Variants in DLG2 observed in about 807,000 individuals in gnomAD.
DLG2 encodes the protein discs large MAGUK scaffold protein 2.
A neutral mutation model predicts 132.5 loss-of-function variants in DLG2; 45 were observed. That is an observed-to-expected ratio of 0.34 (90% CI 0.27 to 0.44). The LOEUF (loss-of-function observed/expected upper bound fraction) is 0.44. Ranked by LOEUF, DLG2 falls within the 20% of genes least tolerant of loss-of-function variation. DLG2 has a pLI of 1.00. For synonymous variants in DLG2, 424 were observed against 419.6 expected (o/e 1.01, Z -0.13); for missense variants, 1,045 against 1,196.9 (o/e 0.87, Z 1.87).
chr11:83,642,653 CAG>C (rs1196001663), intron 18 of DLG2, among the ~76,000 whole-genome samples: 4 of 152,160 alleles, frequency 2.6e-5, no homozygotes, highest in African/African-American at 9.7e-5. Flanking sequence ...CTCTGATTAT[CAG>C]ACTTATTGCA....
At chr11:83,623,428 T>C (rs750685829) in intron 19 of DLG2, among the ~76,000 whole-genome samples, 3 of 152,246 alleles carry the variant, frequency 2.0e-5, no homozygotes, top group Non-Finnish European at 2.9e-5. Context: ...TTTAATTGAT[T>C]CAGCAGTTAC....
intron 7 of DLG2, among the ~76,000 whole-genome samples, chr11:84,404,697 G>C (rs2098842566): frequency 6.6e-6 from 1 of 151,864 alleles, no homozygotes; most frequent in Admixed American, 6.6e-5. Context: ...ATTTACTTTT[G>C]TACCTGAAAC....
intron 6 of DLG2, among the ~76,000 whole-genome samples, chr11:84,952,157 C>T (rs924458953): frequency 6.6e-6 from 1 of 152,194 alleles, no homozygotes; most frequent in African/African-American, 2.4e-5. Flanking sequence ...TTGTATCAGC[C>T]ATTAAATATA....
intron 11 of DLG2, among the ~76,000 whole-genome samples, chr11:84,001,322 G>T (rs1219546887): frequency 2.4e-5 from 2 of 81,886 alleles, no homozygotes; most frequent in African/African-American, 6.7e-5. Context: ...CAGACTTCAA[G>T]TAAAAAAAAA....
chr11:84,033,897 CAAAA>C (rs869299726), intron 11 of DLG2, among the ~76,000 whole-genome samples: 1 of 70,726 alleles, frequency 1.4e-5, no homozygotes, highest in Non-Finnish European at 3.6e-5. Context: ...AAAACAAAAA[CAAAA>C]ACAAACAAAC....
At chr11:83,807,091 C>G (rs868460325) in intron 17 of DLG2, among the ~76,000 whole-genome samples, 4 of 152,148 alleles carry the variant, frequency 2.6e-5, no homozygotes, top group Non-Finnish European at 4.4e-5. Flanking sequence ...GAAGCAGCAA[C>G]AGAATCATTT....
intron 6 of DLG2, among the ~76,000 whole-genome samples, chr11:85,108,725 G>C (rs11829016): frequency 1.3e-5 from 2 of 151,974 alleles, no homozygotes; most frequent in African/African-American, 2.4e-5. Flanking sequence ...AGCTCTAGGG[G>C]AGACTCAGTA....
intron 6 of DLG2, among the ~76,000 whole-genome samples, chr11:84,719,033 TG>T (rs1403067432): frequency 2.0e-5 from 3 of 152,228 alleles, no homozygotes; most frequent in Non-Finnish European, 2.9e-5. Context: ...TTGTTAGAGC[TG>T]GCAGGTGCCT....
At chr11:84,905,372 C>T (rs2091385071) in intron 6 of DLG2, among the ~76,000 whole-genome samples, 2 of 152,176 alleles carry the variant, frequency 1.3e-5, no homozygotes, top group Non-Finnish European at 2.9e-5. Flanking sequence ...AATGCTTTCT[C>T]TCTCTGCCAT....
chr11:84,440,324 G>T (rs1433457915), intron 7 of DLG2, among the ~76,000 whole-genome samples: 1 of 152,172 alleles, frequency 6.6e-6, no homozygotes, highest in East Asian at 1.9e-4. Context: ...AAATATATTT[G>T]TCAAATGCAT....
intron 6 of DLG2, among the ~76,000 whole-genome samples, chr11:84,649,944 G>A (rs566945175): frequency 1.6e-4 from 25 of 152,272 alleles, no homozygotes; most frequent in African/African-American, 4.8e-4. Flanking sequence ...CTTGTCTCAT[G>A]TTCCTTCAGA....
chr11:83,984,335 C>G (rs767928668), intron 11 of DLG2, among the ~76,000 whole-genome samples: 2 of 152,058 alleles, frequency 1.3e-5, no homozygotes, highest in Non-Finnish European at 2.9e-5. Flanking sequence ...GTAAATGTTC[C>G]TCTCAGAGCC....
intron 6 of DLG2, among the ~76,000 whole-genome samples, chr11:84,678,044 CA>C (rs1334928084): frequency 2.6e-5 from 4 of 152,034 alleles, no homozygotes; most frequent in African/African-American, 9.7e-5. Context: ...TAATGAGTTT[CA>C]AAAGCTCACT....
intron 4 of DLG2, among the ~76,000 whole-genome samples, chr11:85,172,173 G>C (rs2078923058): frequency 6.6e-6 from 1 of 152,294 alleles, no homozygotes; most frequent in South Asian, 2.1e-4. Flanking sequence ...TCCCAATAAG[G>C]GTCTCCAGAC....
At chr11:84,082,377 T>C (rs1049703910) in intron 10 of DLG2, among the ~76,000 whole-genome samples, 13 of 152,186 alleles carry the variant, frequency 8.5e-5, no homozygotes, top group African/African-American at 1.2e-4. Context: ...TACTTTGAAA[T>C]GTCCGTATTT....
chr11:84,511,924 C>CA (rs774482261), intron 7 of DLG2, among the ~76,000 whole-genome samples: 3 of 152,238 alleles, frequency 2.0e-5, no homozygotes, highest in Middle Eastern at 3.4e-3. Context: ...TTAATCCTCA[C>CA]AACAACCCTT....
At chr11:83,848,986 C>T (rs749207851) in intron 16 of DLG2, among the ~76,000 whole-genome samples, 10 of 152,116 alleles carry the variant, frequency 6.6e-5, no homozygotes, top group South Asian at 2.1e-4. Context: ...TACAGATATA[C>T]GTATCTGTCC....
At chr11:83,926,869 C>A (rs942730060) in intron 15 of DLG2, among the ~76,000 whole-genome samples, 2 of 152,104 alleles carry the variant, frequency 1.3e-5, no homozygotes, top group Non-Finnish European at 2.9e-5. Flanking sequence ...TTTCAAGATA[C>A]AGTGGCTTGG....
Position 84,733,669 on chromosome 11 carries a change from T to C in DLG2, c.358-198938A>G, listed in dbSNP as rs1483946335. On this transcript the variant is annotated intron_variant, in intron 6 of 27. Coordinates refer to ENST00000376104, the MANE Select transcript of DLG2 (RefSeq NM_001142699.3). ...AAATCCCATTTGTCAATTTTGGCTTTTGTTGCCATTGTTTTTGGTGTTATA... is the reference window on the plus strand; with the variant it reads ...AAATCCCATTTGTCAATTTTGGCTTCTGTTGCCATTGTTTTTGGTGTTATA... Among the ~76,000 whole-genome samples the C allele has an allele frequency of 2.0e-5, 3 of 152,202 alleles. No individual in the cohort carries two copies. In the East Asian group the frequency reaches 5.8e-4, roughly 29 times the overall value.
Sources: allele counts gnomAD v4.1 joint callset (sites outside exome capture counted in the v4.1 genomes callset), GRCh38; gene constraint gnomAD v4.1.1; transcripts MANE v1.5; gene names NCBI Gene and HGNC (gene_info 2026-07-23, HGNC 2026-07-21).